Variants in TLCD4 observed in about 807,000 individuals in gnomAD.
The protein encoded by TLCD4 is TLC domain containing 4.
In TLCD4, 7 loss-of-function variants were observed where a neutral mutation model predicts 24.2. That is an observed-to-expected ratio of 0.29 (90% CI 0.16 to 0.54). The LOEUF (loss-of-function observed/expected upper bound fraction) is 0.54, where lower values mean the gene tolerates loss of function less well. Among genes scored for constraint, TLCD4 ranks in the 20% least tolerant of loss-of-function variants. TLCD4 has a pLI of 0.95. For missense variants in TLCD4, 259 were observed against 313.9 expected, an observed-to-expected ratio of 0.82 and a Z score of 1.32; for synonymous variants, 103 against 106.4, an observed-to-expected ratio of 0.97 and a Z score of 0.20.
chr1:95,131,148 C>T (rs1301018906), intron 1 of TLCD4, among the ~76,000 whole-genome samples: 1 of 152,162 alleles, frequency 6.6e-6, no homozygotes, highest in African/African-American at 2.4e-5. Context: ...CCGTATTTCC[C>T]ACCCTTATGG....
chr1:95,161,247 C>G (rs1229803489), intron 5 of TLCD4, among the ~76,000 whole-genome samples: 1 of 152,062 alleles, frequency 6.6e-6, no homozygotes, highest in Non-Finnish European at 1.5e-5. Flanking sequence ...TGTATGTGTC[C>G]AGGAATTTAT....
At chr1:95,168,147 C>T (rs1678085011) in intron 5 of TLCD4, among the ~76,000 whole-genome samples, 1 of 152,192 alleles carries the variant, frequency 6.6e-6, no homozygotes, top group African/African-American at 2.4e-5. Context: ...AACAACAGCC[C>T]TGTTTAAAAG....
chr1:95,095,691 C>T, the TLCD4 span, among the ~76,000 whole-genome samples: 1 of 152,094 alleles, frequency 6.6e-6, no homozygotes, highest in Non-Finnish European at 1.5e-5. Flanking sequence ...GCCACCGCGC[C>T]GGCACCTCTT....
At chr1:95,105,893 T>TCA in the TLCD4 span, among the ~76,000 whole-genome samples, 16 of 102,858 alleles carry the variant, frequency 1.6e-4, 2 homozygotes, top group African/African-American at 2.2e-4. Flanking sequence ...AGACTCCGTC[T>TCA]TAAAAAAAAA....
At chr1:95,143,092 A>C (rs72722125) in intron 1 of TLCD4, among the ~76,000 whole-genome samples, 19,407 of 152,016 alleles carry the variant, frequency 0.13, 1,248 homozygotes, top group Middle Eastern at 0.17. Context: ...TTATACTCCT[A>C]TGTAAACGTC....
chr1:95,110,866 T>TAAAAAAAAAAAAAAAA, the TLCD4 span, among the ~76,000 whole-genome samples: 1 of 119,564 alleles, frequency 8.4e-6, no homozygotes, highest in Admixed American at 8.5e-5. Context: ...AAAAGAAAAG[T>TAAAAAAAAAAAAAAAA]AAAAAAAAAA....
At chr1:95,150,182 A>C (rs1246796560) in intron 3 of TLCD4, 26 bp from the exon 4 acceptor site, 1 of 1,598,906 alleles carries the variant, frequency 6.3e-7, no homozygotes, top group Non-Finnish European at 8.5e-7. Context: ...TATATACTTT[A>C]AAAAGGAACC....
At chr1:95,173,323 T>A (rs1472381362) in intron 5 of TLCD4, among the ~76,000 whole-genome samples, 1 of 152,122 alleles carries the variant, frequency 6.6e-6, no homozygotes, top group Non-Finnish European at 1.5e-5. Flanking sequence ...TCTTTTTTTT[T>A]TTTTGAGACG....
At chr1:95,099,783 A>G in the TLCD4 span, among the ~76,000 whole-genome samples, 3 of 151,398 alleles carry the variant, frequency 2.0e-5, no homozygotes, top group East Asian at 5.8e-4. Context: ...ATTCTCACCA[A>G]CTCTATTAGG....
the TLCD4 span, among the ~76,000 whole-genome samples, chr1:95,093,759 A>G: frequency 6.6e-6 from 1 of 152,232 alleles, no homozygotes; most frequent in Non-Finnish European, 1.5e-5. Context: ...CTAGACACAT[A>G]TATGTTATCC....
At chr1:95,131,102 G>A (rs937135134) in intron 1 of TLCD4, among the ~76,000 whole-genome samples, 1 of 152,186 alleles carries the variant, frequency 6.6e-6, no homozygotes, top group African/African-American at 2.4e-5. Context: ...AAGACATTGT[G>A]TTGTGCATGG....
the TLCD4 span, among the ~76,000 whole-genome samples, chr1:95,107,628 C>G: frequency 5.9e-5 from 9 of 152,028 alleles, no homozygotes; most frequent in Admixed American, 5.9e-4. Context: ...GCTATAAGGT[C>G]TATGAAAACC....
intron 6 of TLCD4, among the ~76,000 whole-genome samples, chr1:95,182,401 C>T (rs967474965): frequency 1.3e-5 from 2 of 151,922 alleles, no homozygotes; most frequent in Admixed American, 1.3e-4. Context: ...CTTATGTGTA[C>T]TTCCCATTTT....
intron 5 of TLCD4, among the ~76,000 whole-genome samples, chr1:95,155,545 A>G (rs1196030613): frequency 1.3e-5 from 2 of 152,164 alleles, no homozygotes; most frequent in Non-Finnish European, 2.9e-5. Context: ...TAGGAGAGAA[A>G]AGGATAAAGT....
At chr1:95,141,834 A>ACACACACACACAC (rs1557682582) in intron 1 of TLCD4, among the ~76,000 whole-genome samples, 2 of 70,718 alleles carry the variant, frequency 2.8e-5, no homozygotes, top group Non-Finnish European at 8.4e-5. Flanking sequence ...CACACACACA[A>ACACACACACACAC]AGAATGAGGA....
intron 3 of TLCD4, among the ~76,000 whole-genome samples, chr1:95,149,719 AAC>A (rs1405694522): frequency 1.3e-5 from 2 of 152,188 alleles, no homozygotes; most frequent in Non-Finnish European, 2.9e-5. Context: ...AGCAAAATAA[AAC>A]CAGTTCTTTT....
At position 95,121,632 on chromosome 1, in the gene TLCD4, G is replaced by A. The variant is rs184269789; in HGVS notation, c.-12+4015G>A. Among the ~76,000 whole-genome samples, 1,422 of 152,132 alleles carry A rather than the reference G, an allele frequency of 9.3e-3. 13 individuals carry two copies. Among genetic ancestry groups the A allele is most frequent in the Non-Finnish European group, 0.014 (984 of 67,992 alleles). On this transcript the variant is annotated intron_variant, in intron 1 of 6. Coordinates refer to ENST00000370203, the MANE Select transcript of TLCD4 (RefSeq NM_152487.3). ...ATTACAGGCACCCGCCACCACCCCGGGCTAATTTTTGTATTTTTGGTAGAG... is the reference window on the plus strand; with the variant it reads ...ATTACAGGCACCCGCCACCACCCCGAGCTAATTTTTGTATTTTTGGTAGAG...
At chr1:95,176,243 G>A (rs1294242281) in intron 6 of TLCD4, among the ~76,000 whole-genome samples, 1 of 150,818 alleles carries the variant, frequency 6.6e-6, no homozygotes, top group Admixed American at 6.6e-5. Context: ...CCAGTCTGGA[G>A]TACAGTGGCG....
At chr1:95,108,238 A>G in the TLCD4 span, among the ~76,000 whole-genome samples, 1 of 152,024 alleles carries the variant, frequency 6.6e-6, no homozygotes, top group South Asian at 2.1e-4. Context: ...TATTTTTGCC[A>G]GGTAGTAGTT....
Sources: allele counts gnomAD v4.1 joint callset (sites outside exome capture counted in the v4.1 genomes callset), GRCh38; gene constraint gnomAD v4.1.1; transcripts MANE v1.5; gene names NCBI Gene and HGNC (gene_info 2026-07-23, HGNC 2026-07-21).